Variants in CNGB3 observed in about 807,000 individuals in gnomAD.
The protein encoded by CNGB3 is cyclic nucleotide gated channel subunit beta 3.
A neutral mutation model predicts 92.8 loss-of-function variants in CNGB3; 86 were observed. The ratio of observed to expected loss-of-function variants is 0.93; its 90% confidence interval spans 0.78 to 1.11. The LOEUF (loss-of-function observed/expected upper bound fraction) is 1.11. CNGB3 is among the 50% of genes least tolerant of loss of function. The probability of loss-of-function intolerance (pLI) is 0.00; values close to 1 mark genes in which losing one functional copy is unlikely to be tolerated. For synonymous variants in CNGB3, 333 were observed against 332.7 expected, an observed-to-expected ratio of 1.00 and a Z score of -0.01; for missense variants, 1,026 against 956.8, an observed-to-expected ratio of 1.07 and a Z score of -0.95.
chr8:86,719,257 A>G (rs1194740175), intron 3 of CNGB3, among the ~76,000 whole-genome samples: 1 of 152,102 alleles, frequency 6.6e-6, no homozygotes, highest in African/African-American at 2.4e-5. Context: ...ATATAATCTT[A>G]TAGGAGGAAA....
chr8:86,732,834 A>G (rs146160319), intron 2 of CNGB3, among the ~76,000 whole-genome samples: 27 of 152,320 alleles, frequency 1.8e-4, no homozygotes, highest in Admixed American at 5.9e-4. Context: ...TGTTGGCTAC[A>G]TAAGACTATT....
chr8:86,637,859 CTCAAT>C (rs1274268532), intron 10 of CNGB3, among the ~76,000 whole-genome samples: 4 of 152,152 alleles, frequency 2.6e-5, no homozygotes, highest in African/African-American at 4.8e-5. Context: ...AGAAAGTTCT[CTCAAT>C]TCTTTTCCCA....
At chr8:86,629,794 A>AT (rs1295455183) in intron 11 of CNGB3, among the ~76,000 whole-genome samples, 1 of 152,204 alleles carries the variant, frequency 6.6e-6, no homozygotes, top group Non-Finnish European at 1.5e-5. Flanking sequence ...TAACTCACCC[A>AT]TAAAAACCCA....
intron 3 of CNGB3, among the ~76,000 whole-genome samples, chr8:86,690,248 C>T (rs1586017908): frequency 6.6e-6 from 1 of 152,234 alleles, no homozygotes; most frequent in East Asian, 1.9e-4. Context: ...TTTTAATGAT[C>T]ACCATTCTAA....
chr8:86,619,649 T>A (rs544922012), intron 13 of CNGB3, among the ~76,000 whole-genome samples: 81 of 151,654 alleles, frequency 5.3e-4, no homozygotes, highest in Admixed American at 1.1e-3. Flanking sequence ...AGTAGAAAAG[T>A]GTATGTGACT....
intron 15 of CNGB3, among the ~76,000 whole-genome samples, chr8:86,591,911 G>A (rs1822048845): frequency 6.6e-6 from 1 of 152,228 alleles, no homozygotes; most frequent in African/African-American, 2.4e-5. Context: ...AAGCAAGCCT[G>A]GGCAATGGCG....
intron 10 of CNGB3, among the ~76,000 whole-genome samples, chr8:86,643,507 A>G (rs1823232359): frequency 6.6e-6 from 1 of 151,272 alleles, no homozygotes; most frequent in Non-Finnish European, 1.5e-5. Flanking sequence ...TAGCTCCCAC[A>G]TATATGTGAG....
intron 7 of CNGB3, among the ~76,000 whole-genome samples, chr8:86,651,344 G>A (rs542503990): frequency 6.6e-5 from 10 of 151,836 alleles, no homozygotes; most frequent in African/African-American, 9.6e-5. Context: ...AAAGCCTGCC[G>A]ATATTGAACA....
chr8:86,586,130 A>G (rs1821884758), intron 15 of CNGB3, among the ~76,000 whole-genome samples: 1 of 152,138 alleles, frequency 6.6e-6, no homozygotes, highest in Non-Finnish European at 1.5e-5. Context: ...AAGGAAAAAG[A>G]TAAATTAGGA....
chr8:86,737,257 G>A (rs889858060), intron 2 of CNGB3, among the ~76,000 whole-genome samples: 1 of 152,084 alleles, frequency 6.6e-6, no homozygotes, highest in African/African-American at 2.4e-5. Flanking sequence ...TTTTATTCTT[G>A]TAAGTAGGTA....
At chr8:86,602,114 G>A (rs1264947680) in intron 15 of CNGB3, among the ~76,000 whole-genome samples, 1 of 152,150 alleles carries the variant, frequency 6.6e-6, no homozygotes, top group African/African-American at 2.4e-5. Flanking sequence ...TTAAACTGTT[G>A]CATGTTTTAT....
intron 2 of CNGB3, among the ~76,000 whole-genome samples, chr8:86,734,956 A>G (rs1346225077): frequency 6.6e-6 from 1 of 151,486 alleles, no homozygotes; most frequent in Non-Finnish European, 1.5e-5. Flanking sequence ...ATGACACTCA[A>G]AGATGTTAAA....
intron 3 of CNGB3, among the ~76,000 whole-genome samples, chr8:86,671,774 C>T (rs747713522): frequency 1.6e-4 from 25 of 152,142 alleles, no homozygotes; most frequent in African/African-American, 3.4e-4. Context: ...GGTACAACTG[C>T]GGGAACTGAT....
chr8:86,726,484 C>T (rs1452330731), intron 3 of CNGB3, 47 bp downstream of exon 3: 1 of 1,612,138 alleles, frequency 6.2e-7, no homozygotes, highest in South Asian at 1.1e-5. Flanking sequence ...TTAGGGCAGG[C>T]TGAGCAATAT....
intron 6 of CNGB3, among the ~76,000 whole-genome samples, chr8:86,662,076 C>T (rs968743772): frequency 6.6e-6 from 1 of 152,306 alleles, no homozygotes; most frequent in South Asian, 2.1e-4. Flanking sequence ...GTGCCGCCGC[C>T]GCCAACTCAG....
At chr8:86,600,149 C>G (rs541931682) in intron 15 of CNGB3, among the ~76,000 whole-genome samples, 1 of 152,310 alleles carries the variant, frequency 6.6e-6, no homozygotes, top group South Asian at 2.1e-4. Flanking sequence ...GATAAACGTT[C>G]AGCTTTTGGT....
At chr8:86,713,958 A>T (rs980919593) in intron 3 of CNGB3, among the ~76,000 whole-genome samples, 4 of 152,088 alleles carry the variant, frequency 2.6e-5, no homozygotes, top group Non-Finnish European at 4.4e-5. Context: ...AACCTTCCCC[A>T]TTATCAACAT....
At chr8:86,711,885 A>G (rs1331647794) in intron 3 of CNGB3, among the ~76,000 whole-genome samples, 2 of 150,610 alleles carry the variant, frequency 1.3e-5, no homozygotes, top group Non-Finnish European at 3.0e-5. Flanking sequence ...AATATTATGT[A>G]TAATAAATAC....
chr8:86,739,755 A>C lies in CNGB3; in HGVS notation c.130-19T>G. 1 of 1,611,908 alleles carries C rather than the reference A, an allele frequency of 6.2e-7. No homozygotes were observed. Among genetic ancestry groups the C allele is most frequent in the East Asian group, 2.2e-5 (1 of 44,844 alleles). ...TTTCTTCCTTTGAGAAAAAACATAG[A>C]GATTGTATGTGATGAATTTACATAA... On this transcript the variant is annotated intron_variant, in intron 1 of 17. Coordinates refer to ENST00000320005, the MANE Select transcript of CNGB3 (RefSeq NM_019098.5).
Sources: gnomAD v4.1 joint callset for allele counts (sites outside exome capture counted in the v4.1 genomes callset) on GRCh38, gnomAD v4.1.1 for gene constraint, MANE v1.5 for transcripts, NCBI Gene and HGNC (gene_info 2026-07-23, HGNC 2026-07-21) for gene names.